JAM2: variants seen among roughly 807,000 people sequenced by gnomAD.
JAM2 encodes the protein junctional adhesion molecule 2.
A neutral mutation model predicts 42.0 loss-of-function variants in JAM2; 17 were observed. The observed-to-expected ratio is 0.40, with a 90% confidence interval of 0.28 to 0.61. JAM2 has a LOEUF of 0.61. Ranked by LOEUF, JAM2 falls within the 20% of genes least tolerant of loss-of-function variation. JAM2 has a pLI of 0.37. For missense variants in JAM2, 319 were observed against 358.3 expected (o/e 0.89, Z 0.89); for synonymous variants, 118 against 128.6 (o/e 0.92, Z 0.56).
intron 7 of JAM2, among the ~76,000 whole-genome samples, chr21:25,707,165 A>C (rs1392171949): frequency 8.5e-5 from 13 of 152,080 alleles, no homozygotes; most frequent in Admixed American, 8.5e-4. Flanking sequence ...TTGAATGTTA[A>C]ATTTAGGACA....
chr21:25,648,562 C>A (rs2032680396), intron 1 of JAM2, among the ~76,000 whole-genome samples: 1 of 151,974 alleles, frequency 6.6e-6, no homozygotes, highest in Non-Finnish European at 1.5e-5. Context: ...TGCTATTGTT[C>A]CTCATATGGC....
chr21:25,697,288 C>T (rs1186453810), intron 4 of JAM2, among the ~76,000 whole-genome samples: 1 of 152,082 alleles, frequency 6.6e-6, no homozygotes, highest in Non-Finnish European at 1.5e-5. Flanking sequence ...GCCTTAGTTA[C>T]ATTTCCAAAA....
At chr21:25,705,919 A>G in intron 6 of JAM2, 60 bp from the exon 7 acceptor site, 3 of 1,139,012 alleles carry the variant, frequency 2.6e-6, no homozygotes, top group East Asian at 2.4e-5. Context: ...TTTCAATTTA[A>G]TGACTGCATC....
At chr21:25,675,896 A>G (rs1047217966) in intron 1 of JAM2, among the ~76,000 whole-genome samples, 1 of 152,086 alleles carries the variant, frequency 6.6e-6, no homozygotes, top group Admixed American at 6.5e-5. Context: ...CATGGCCATA[A>G]ATTTTTATTT....
chr21:25,691,799 G>C (rs1329705852), intron 3 of JAM2, among the ~76,000 whole-genome samples: 1 of 152,070 alleles, frequency 6.6e-6, no homozygotes. Context: ...GGAAGCCAAG[G>C]CATGCGGATC....
intron 5 of JAM2, among the ~76,000 whole-genome samples, chr21:25,699,604 T>C (rs1471073408): frequency 2.0e-5 from 3 of 151,634 alleles, no homozygotes. Flanking sequence ...GCGCCTGTAG[T>C]CCCAGCTACT....
At chr21:25,676,748 G>T (rs1474393583) in intron 1 of JAM2, among the ~76,000 whole-genome samples, 2 of 151,986 alleles carry the variant, frequency 1.3e-5, no homozygotes, top group African/African-American at 2.4e-5. Flanking sequence ...GAAAAGTGAA[G>T]AAAAAATAAA....
chr21:25,691,328 G>C (rs2033876317), intron 3 of JAM2, among the ~76,000 whole-genome samples: 1 of 152,202 alleles, frequency 6.6e-6, no homozygotes, highest in South Asian at 2.1e-4. Context: ...TCTGGCATAT[G>C]CAGAAATGCA....
intron 8 of JAM2, chr21:25,711,960 T>G (rs2034392194): frequency 4.4e-6 from 1 of 227,172 alleles, no homozygotes; most frequent in Non-Finnish European, 8.8e-6. Context: ...CTAGTCACCA[T>G]GTAAAACTTT....
chr21:25,709,655 G>A (rs539577342), intron 8 of JAM2: 1 of 398,048 alleles, frequency 2.5e-6, no homozygotes, highest in African/African-American at 2.0e-5. Flanking sequence ...GTAGTTTATT[G>A]TAAAAAGAGG....
chr21:25,679,158 A>G (rs1434834263), intron 1 of JAM2, among the ~76,000 whole-genome samples: 3 of 152,268 alleles, frequency 2.0e-5, no homozygotes, highest in Non-Finnish European at 4.4e-5. Context: ...GTGCTCCTTA[A>G]GAGTGATAAA....
chr21:25,654,573 G>C (rs996211616), intron 1 of JAM2, among the ~76,000 whole-genome samples: 2 of 151,348 alleles, frequency 1.3e-5, no homozygotes, highest in African/African-American at 4.9e-5. Context: ...GCTTGAACCT[G>C]GGAGGCAGAG....
intron 1 of JAM2, among the ~76,000 whole-genome samples, chr21:25,642,636 C>G (rs1030233910): frequency 6.6e-6 from 1 of 151,784 alleles, no homozygotes; most frequent in Non-Finnish European, 1.5e-5. Context: ...TGTCAGTATC[C>G]CTGTTGATAT....
intron 7 of JAM2, among the ~76,000 whole-genome samples, chr21:25,707,829 C>T (rs1425798726): frequency 6.6e-6 from 1 of 151,966 alleles, no homozygotes; most frequent in African/African-American, 2.4e-5. Context: ...ACATTAATTT[C>T]GGAATTTAGA....
intron 1 of JAM2, among the ~76,000 whole-genome samples, chr21:25,648,396 G>C (rs756243305): frequency 6.6e-6 from 1 of 151,962 alleles, no homozygotes; most frequent in Non-Finnish European, 1.5e-5. Flanking sequence ...TTATTGTACT[G>C]TCCATATAGT....
chr21:25,709,508 T>A (rs1268250125), intron 8 of JAM2, 59 bp downstream of exon 8: 4 of 1,154,686 alleles, frequency 3.5e-6, no homozygotes, highest in Admixed American at 1.9e-5. Flanking sequence ...TTTCTATTAA[T>A]CATCTGTTTA....
Position 25,714,736 on chromosome 21 carries a change from ACT to A in JAM2, c.*67_*68del, listed in dbSNP as rs2034449108. 1 of 1,093,594 alleles carries A rather than the reference ACT, an allele frequency of 9.1e-7. No homozygotes were observed. Among genetic ancestry groups the A allele is most frequent in the African/African-American group, 1.7e-5 (1 of 60,176 alleles). 67.7% of individuals were successfully genotyped at this position (1,093,594 alleles called of 1,614,324 possible). ...ACACAAGTTATTAAACTATTATAAA[ACT>A]CTGCTTTGTCCGACATTTGCAAAGA... On this transcript the variant is annotated 3_prime_UTR_variant, in exon 10 of 10. Transcript: ENST00000480456.
intron 2 of JAM2, among the ~76,000 whole-genome samples, chr21:25,685,447 T>C (rs996602339): frequency 2.9e-5 from 4 of 138,558 alleles, no homozygotes; most frequent in Admixed American, 8.2e-5. Flanking sequence ...ATCACTTGAG[T>C]GCAGGAGTTT....
intron 5 of JAM2, 131 bp downstream of exon 5, chr21:25,699,010 G>T: frequency 2.7e-6 from 2 of 750,632 alleles, no homozygotes; most frequent in Non-Finnish European, 2.2e-6. Context: ...GGGGCACCAG[G>T]AAAGATGGCA....
Sources: gnomAD v4.1 joint callset for allele counts (sites outside exome capture counted in the v4.1 genomes callset) on GRCh38, gnomAD v4.1.1 for gene constraint, MANE v1.5 for transcripts, NCBI Gene and HGNC (gene_info 2026-07-23, HGNC 2026-07-21) for gene names.